Variants in GRM8 observed in about 807,000 individuals in gnomAD.
The protein encoded by GRM8 is glutamate metabotropic receptor 8.
GRM8 carries 47 observed loss-of-function variants against 87.2 expected under a neutral mutation model. The observed-to-expected ratio is 0.54, with a 90% CI of 0.43 to 0.69. The LOEUF (loss-of-function observed/expected upper bound fraction) is 0.69, where lower values mean the gene tolerates loss of function less well. GRM8 is among the 30% of genes least tolerant of loss of function. The pLI, the probability that GRM8 is intolerant of heterozygous loss-of-function variation, is 0.00. For synonymous variants in GRM8, 396 were observed against 404.5 expected, an observed-to-expected ratio of 0.98 and a Z score of 0.25; for missense variants, 1,019 against 1,139.2, an observed-to-expected ratio of 0.89 and a Z score of 1.52.
rs1056854931 is a variant in GRM8, at chr7:126,572,556, C to T, written c.1494+36806G>A. Among the ~76,000 whole-genome samples the T allele has an allele frequency of 2.6e-5, 4 of 152,120 alleles. No homozygotes were observed. In the East Asian group the frequency reaches 7.7e-4, roughly 29 times the overall value. On this transcript the variant is annotated intron_variant, in intron 8 of 10. Transcript: ENST00000339582. ...ATAACAAAGTAATACCTTTAAAGTT[C>T]TGATGGAAAATTTTCTATTATTGTT...
At chr7:126,811,342 C>T (rs1399681049) in intron 6 of GRM8, among the ~76,000 whole-genome samples, 8 of 150,632 alleles carry the variant, frequency 5.3e-5, no homozygotes, top group East Asian at 2.0e-4. Context: ...TTTGGGTATT[C>T]GGGATTTTTT....
intron 7 of GRM8, among the ~76,000 whole-genome samples, chr7:126,705,826 G>A (rs1182492495): frequency 6.6e-6 from 1 of 151,962 alleles, no homozygotes; most frequent in Non-Finnish European, 1.5e-5. Flanking sequence ...AAATATCTGA[G>A]CATATTTATT....
At chr7:126,874,177 A>G (rs2130925547) in intron 6 of GRM8, among the ~76,000 whole-genome samples, 1 of 152,154 alleles carries the variant, frequency 6.6e-6, no homozygotes, top group South Asian at 2.1e-4. Flanking sequence ...TCATGCTTTC[A>G]GAATCAACAT....
chr7:126,748,582 C>G (rs1278622524), intron 7 of GRM8, among the ~76,000 whole-genome samples: 1 of 143,616 alleles, frequency 7.0e-6, no homozygotes, highest in Non-Finnish European at 1.5e-5. Context: ...GCAATACCAA[C>G]TAAAATCAGA....
At chr7:126,778,310 A>T (rs1232120156) in intron 6 of GRM8, among the ~76,000 whole-genome samples, 1 of 152,164 alleles carries the variant, frequency 6.6e-6, no homozygotes. Context: ...AGTTCACAAT[A>T]ACATCTCTCC....
intron 8 of GRM8, among the ~76,000 whole-genome samples, chr7:126,549,121 A>G (rs545400742): frequency 6.6e-6 from 1 of 152,320 alleles, no homozygotes; most frequent in Non-Finnish European, 1.5e-5. Context: ...GAAGAAAACA[A>G]TACAGACATG....
chr7:126,826,872 T>C (rs1586096182), intron 6 of GRM8, among the ~76,000 whole-genome samples: 1 of 151,486 alleles, frequency 6.6e-6, no homozygotes, highest in East Asian at 1.9e-4. Flanking sequence ...ATTTTTGTAT[T>C]AATTGAATTA....
At chr7:126,737,563 G>T (rs778626593) in intron 7 of GRM8, among the ~76,000 whole-genome samples, 4 of 151,884 alleles carry the variant, frequency 2.6e-5, no homozygotes, top group African/African-American at 9.7e-5. Flanking sequence ...TCTAGGCAGC[G>T]GGCAAGGTGG....
chr7:126,997,703 A>G (rs1424982879), intron 3 of GRM8, among the ~76,000 whole-genome samples: 1 of 151,818 alleles, frequency 6.6e-6, no homozygotes, highest in Non-Finnish European at 1.5e-5. Context: ...ATAAATTCCT[A>G]GGCTCAAACA....
chr7:126,793,795 G>C (rs1286244688), intron 6 of GRM8, among the ~76,000 whole-genome samples: 1 of 152,104 alleles, frequency 6.6e-6, no homozygotes, highest in Non-Finnish European at 1.5e-5. Context: ...TATATCCTAA[G>C]TTATTTCCAT....
At chr7:126,666,691 A>G (rs769975110) in intron 7 of GRM8, among the ~76,000 whole-genome samples, 99 of 152,302 alleles carry the variant, frequency 6.5e-4, no homozygotes, top group Non-Finnish European at 1.2e-3. Context: ...GTGATTTAAA[A>G]AAAAAAGAAT....
intron 8 of GRM8, among the ~76,000 whole-genome samples, chr7:126,536,224 A>T (rs75377716): frequency 6.6e-6 from 1 of 152,332 alleles, no homozygotes; most frequent in East Asian, 1.9e-4. Context: ...ATATTCCTTC[A>T]TCATTCTTAT....
At chr7:126,566,482 T>C (rs1453114350) in intron 8 of GRM8, among the ~76,000 whole-genome samples, 1 of 152,158 alleles carries the variant, frequency 6.6e-6, no homozygotes, top group African/African-American at 2.4e-5. Flanking sequence ...AAAATCACAA[T>C]GAGGTATCAC....
chr7:126,553,608 C>T (rs569469669), intron 8 of GRM8, among the ~76,000 whole-genome samples: 1 of 152,208 alleles, frequency 6.6e-6, no homozygotes, highest in Non-Finnish European at 1.5e-5. Flanking sequence ...ATAACATGAA[C>T]CCTCTAGTAC....
chr7:126,858,291 A>G lies in GRM8; in HGVS notation c.1156+44251T>C, dbSNP rs79310800. The stretch of plus-strand genomic sequence containing the variant: ...GATCACTGGGAGTCATAGTTTAAAC[A>G]CTTAAATCAGGTCACTCCTTCTACT... On this transcript the variant is annotated intron_variant, in intron 6 of 10. Coordinates refer to ENST00000339582, the MANE Select transcript of GRM8 (RefSeq NM_000845.3). Among the ~76,000 whole-genome samples, 936 of 152,230 alleles carry G rather than the reference A, an allele frequency of 6.1e-3. 5 individuals are homozygous for G. Among genetic ancestry groups the G allele is most frequent in the Middle Eastern group, 0.01 (3 of 294 alleles).
intron 3 of GRM8, among the ~76,000 whole-genome samples, chr7:127,100,983 C>G (rs1825188945): frequency 6.6e-6 from 1 of 152,162 alleles, no homozygotes; most frequent in Non-Finnish European, 1.5e-5. Context: ...GGCTCTAGAT[C>G]AATGTTCCTT....
chr7:126,585,062 G>GT (rs1466584976), intron 8 of GRM8, among the ~76,000 whole-genome samples: 1 of 152,142 alleles, frequency 6.6e-6, no homozygotes, highest in African/African-American at 2.4e-5. Flanking sequence ...CTTAAACACT[G>GT]TGAGTATAGC....
At chr7:127,110,080 C>G (rs908438021) in intron 2 of GRM8, among the ~76,000 whole-genome samples, 1 of 152,204 alleles carries the variant, frequency 6.6e-6, no homozygotes, top group African/African-American at 2.4e-5. Flanking sequence ...CCTAACCCCT[C>G]ACCCACAGCT....
intron 7 of GRM8, among the ~76,000 whole-genome samples, chr7:126,766,293 C>T (rs1331245622): frequency 2.0e-5 from 3 of 152,044 alleles, no homozygotes; most frequent in Non-Finnish European, 4.4e-5. Context: ...ACCTTCTGCT[C>T]CTATAAACTG....
Sources: allele counts gnomAD v4.1 joint callset (sites outside exome capture counted in the v4.1 genomes callset), GRCh38; gene constraint gnomAD v4.1.1; transcripts MANE v1.5; gene names NCBI Gene and HGNC (gene_info 2026-07-23, HGNC 2026-07-21).